The following SDK1 variants were observed in gnomAD, a reference collection of about 807,000 sequenced individuals.
SDK1 encodes sidekick cell adhesion molecule 1.
Under a neutral mutation model 245.5 loss-of-function variants are expected in SDK1, and 157 were observed. The observed-to-expected ratio is 0.64, with a 90% CI of 0.56 to 0.73. The LOEUF is 0.73. SDK1 is among the 30% of genes least tolerant of loss of function. The probability of loss-of-function intolerance (pLI) is 0.00; values close to 1 mark genes in which losing one functional copy is unlikely to be tolerated. For synonymous variants in SDK1, 1,647 were observed against 1,278.5 expected, an observed-to-expected ratio of 1.29 and a Z score of -6.15; for missense variants, 3,583 against 3,002.3, an observed-to-expected ratio of 1.19 and a Z score of -4.52.
intron 4 of SDK1, among the ~76,000 whole-genome samples, chr7:3,742,431 C>T (rs1779503121): frequency 6.6e-6 from 1 of 152,158 alleles, no homozygotes; most frequent in Non-Finnish European, 1.5e-5. Context: ...GAGTAACAGC[C>T]TCATTACTGG....
intron 1 of SDK1, among the ~76,000 whole-genome samples, chr7:3,467,976 TG>T (rs35279978): frequency 0.42 from 61,220 of 147,026 alleles, 13,882 homozygotes; most frequent in South Asian, 0.53. Context: ...ATTGTTGTCA[TG>T]TTTTTTTAAT....
At chr7:3,732,450 T>C (rs1220741086) in intron 4 of SDK1, among the ~76,000 whole-genome samples, 1 of 152,236 alleles carries the variant, frequency 6.6e-6, no homozygotes. Flanking sequence ...AATTTCTGCT[T>C]TGTCCAATTC....
chr7:3,910,871 G>A (rs55687143), intron 5 of SDK1, among the ~76,000 whole-genome samples: 6,672 of 152,286 alleles, frequency 0.044, 483 homozygotes, highest in African/African-American at 0.15. Flanking sequence ...TCGGCATTCT[G>A]TTGTATCCCA....
chr7:3,840,099 A>C (rs1780120317), intron 5 of SDK1, among the ~76,000 whole-genome samples: 1 of 152,220 alleles, frequency 6.6e-6, no homozygotes, highest in Admixed American at 6.5e-5. Context: ...TAGAAATTAA[A>C]ACACTTAAAT....
At chr7:3,809,326 T>A (rs1234386392) in intron 4 of SDK1, among the ~76,000 whole-genome samples, 1 of 152,060 alleles carries the variant, frequency 6.6e-6, no homozygotes, top group African/African-American at 2.4e-5. Flanking sequence ...CCCTCAAGAC[T>A]CTGATCCAGT....
At chr7:3,761,260 C>CTTTTTTTTTTTTTTTT (rs71029692) in intron 4 of SDK1, among the ~76,000 whole-genome samples, 1 of 93,764 alleles carries the variant, frequency 1.1e-5, no homozygotes. Context: ...GCCCCCCCTC[C>CTTTTTTTTTTTTTTTT]TTTTTTTTTT....
At chr7:3,566,787 A>C (rs568818946) in intron 1 of SDK1, among the ~76,000 whole-genome samples, 1 of 152,290 alleles carries the variant, frequency 6.6e-6, no homozygotes, top group Admixed American at 6.5e-5. Context: ...CACACTTCAC[A>C]AAACAGTGAA....
chr7:3,362,554 CTT>C (rs1780982463), intron 1 of SDK1, among the ~76,000 whole-genome samples: 1 of 152,202 alleles, frequency 6.6e-6, no homozygotes, highest in South Asian at 2.1e-4. Flanking sequence ...AAATATTAAA[CTT>C]AAAAATTTTT....
At chr7:3,347,111 A>T (rs1780529046) in intron 1 of SDK1, among the ~76,000 whole-genome samples, 2 of 151,540 alleles carry the variant, frequency 1.3e-5, no homozygotes, top group South Asian at 4.2e-4. Flanking sequence ...TGCCCATGCC[A>T]TTCCCTCTGC....
At chr7:3,801,317 A>G (rs928595622) in intron 4 of SDK1, among the ~76,000 whole-genome samples, 3 of 152,176 alleles carry the variant, frequency 2.0e-5, no homozygotes, top group South Asian at 2.1e-4. Flanking sequence ...TTTGGAGCAT[A>G]GTGCATATAA....
At chr7:3,839,609 A>G (rs759947623) in intron 5 of SDK1, among the ~76,000 whole-genome samples, 1 of 152,230 alleles carries the variant, frequency 6.6e-6, no homozygotes, top group Non-Finnish European at 1.5e-5. Context: ...TTGATGCTGA[A>G]CACTTTTTCA....
rs763640129 is a variant in SDK1, at chr7:3,325,139, C to T, written c.298+23255C>T. Among the ~76,000 whole-genome samples, 3 of 152,094 alleles carry T rather than the reference C, an allele frequency of 2.0e-5. No individual in the cohort carries two copies. The South Asian group carries it at 6.2e-4, about 32-fold the overall frequency. On this transcript the variant is annotated intron_variant, in intron 1 of 44. Transcript: ENST00000404826. ...TTTTTTTTTTTGGTGATGCTTCAGT[C>T]TCACAGGTGATGCTTAAAACACAGA...
At chr7:3,563,861 T>G (rs2128627031) in intron 1 of SDK1, among the ~76,000 whole-genome samples, 1 of 152,202 alleles carries the variant, frequency 6.6e-6, no homozygotes, top group Middle Eastern at 3.4e-3. Flanking sequence ...CTCAGTATAA[T>G]GCAATAAAAT....
At chr7:4,220,398 C>T (rs929520212) in intron 39 of SDK1, 128 bp downstream of exon 39, 8 of 1,000,094 alleles carry the variant, frequency 8.0e-6, no homozygotes, top group Middle Eastern at 3.3e-4. Context: ...GGCATCAACT[C>T]GGGGATGTCT....
chr7:3,636,861 C>T (rs1782470520), intron 2 of SDK1, among the ~76,000 whole-genome samples: 3 of 152,012 alleles, frequency 2.0e-5, no homozygotes, highest in South Asian at 4.1e-4. Flanking sequence ...TTTCATTTTT[C>T]GATAGTAGCC....
intron 5 of SDK1, among the ~76,000 whole-genome samples, chr7:3,940,012 G>C (rs1258123605): frequency 1.3e-5 from 2 of 152,238 alleles, no homozygotes; most frequent in Non-Finnish European, 2.9e-5. Flanking sequence ...GGCCAGGAAA[G>C]ACTCACCAGT....
At chr7:3,903,392 CACCTCGG>C (rs1435831486) in intron 5 of SDK1, among the ~76,000 whole-genome samples, 1 of 152,090 alleles carries the variant, frequency 6.6e-6, no homozygotes, top group Non-Finnish European at 1.5e-5. Flanking sequence ...GTGATCCGCC[CACCTCGG>C]CCTCCCAAAG....
intron 4 of SDK1, among the ~76,000 whole-genome samples, chr7:3,657,886 T>C (rs1369795066): frequency 1.3e-5 from 2 of 152,208 alleles, no homozygotes; most frequent in Non-Finnish European, 2.9e-5. Context: ...GGTCAAGTCA[T>C]CTGTCAGACA....
chr7:3,328,869 T>C (rs1015497696), intron 1 of SDK1, among the ~76,000 whole-genome samples: 3 of 152,092 alleles, frequency 2.0e-5, no homozygotes, highest in African/African-American at 7.2e-5. Flanking sequence ...TTAAAGTAAG[T>C]AGAAGTGATC....
Sources: gnomAD v4.1 joint callset for allele counts (sites outside exome capture counted in the v4.1 genomes callset) on GRCh38, gnomAD v4.1.1 for gene constraint, MANE v1.5 for transcripts, NCBI Gene and HGNC (gene_info 2026-07-23, HGNC 2026-07-21) for gene names.